Variants in CFAP61 observed in about 807,000 individuals in gnomAD.
CFAP61 encodes cilia and flagella associated protein 61, also known as cilia- and flagella-associated protein 61.
Under a neutral mutation model 135.6 loss-of-function variants are expected in CFAP61, and 107 were observed. The ratio of observed to expected loss-of-function variants is 0.79; its 90% CI spans 0.67 to 0.93. CFAP61 has a LOEUF of 0.93. Ranked by LOEUF, CFAP61 falls within the 40% of genes least tolerant of loss-of-function variation. CFAP61 has a pLI of 0.00. For missense variants in CFAP61, 1,507 were observed against 1,556.2 expected (o/e 0.97, Z 0.53); for synonymous variants, 575 against 578.5 (o/e 0.99, Z 0.09).
intron 13 of CFAP61, among the ~76,000 whole-genome samples, chr20:20,181,968 C>G (rs917670204): frequency 2.2e-4 from 33 of 152,282 alleles, no homozygotes; most frequent in African/African-American, 7.2e-4. Context: ...TGAAAACTTG[C>G]AGAGAGATGA....
chr20:20,316,131 G>A (rs1452824159), intron 25 of CFAP61, among the ~76,000 whole-genome samples: 1 of 151,706 alleles, frequency 6.6e-6, no homozygotes, highest in African/African-American at 2.4e-5. Context: ...ACCTTGGGCA[G>A]TATGGCCATT....
At chr20:20,253,715 C>T in intron 20 of CFAP61, 1 of 357,534 alleles carries the variant, frequency 2.8e-6, no homozygotes, top group South Asian at 2.4e-5. Context: ...CTTTCAGATA[C>T]TGGGTGGCTC....
chr20:20,336,211 T>G (rs1485696172), intron 25 of CFAP61, among the ~76,000 whole-genome samples: 1 of 152,212 alleles, frequency 6.6e-6, no homozygotes, highest in Non-Finnish European at 1.5e-5. Context: ...AGCCACATCT[T>G]ACTAATGATG....
At chr20:20,076,560 G>A (rs1319763289) in intron 6 of CFAP61, among the ~76,000 whole-genome samples, 2 of 152,204 alleles carry the variant, frequency 1.3e-5, no homozygotes, top group African/African-American at 2.4e-5. Context: ...CATGAGCAAT[G>A]TAGAGTGGCT....
chr20:20,123,123 T>A (rs897066813), intron 8 of CFAP61, among the ~76,000 whole-genome samples: 21 of 151,736 alleles, frequency 1.4e-4, no homozygotes, highest in African/African-American at 4.9e-4. Context: ...ATTGTTTGTT[T>A]TTTTTCTTAC....
intron 25 of CFAP61, among the ~76,000 whole-genome samples, chr20:20,319,041 C>A (rs1338438518): frequency 1.3e-5 from 2 of 152,210 alleles, no homozygotes; most frequent in Non-Finnish European, 2.9e-5. Context: ...GAAGACAAAA[C>A]CCTTGTCTCC....
chr20:20,275,911 T>G (rs2053724649), intron 21 of CFAP61, among the ~76,000 whole-genome samples: 1 of 152,172 alleles, frequency 6.6e-6, no homozygotes, highest in South Asian at 2.1e-4. Flanking sequence ...CCAAGGAATG[T>G]TGCATTGTAG....
intron 17 of CFAP61, among the ~76,000 whole-genome samples, chr20:20,212,642 C>T (rs1359648454): frequency 6.6e-6 from 1 of 152,172 alleles, no homozygotes; most frequent in African/African-American, 2.4e-5. Context: ...TGCTTTTCAA[C>T]TGAGAGAGGA....
intron 17 of CFAP61, among the ~76,000 whole-genome samples, chr20:20,225,041 C>T (rs558977446): frequency 1.1e-4 from 16 of 152,286 alleles, no homozygotes; most frequent in African/African-American, 3.1e-4. Flanking sequence ...CTCATAGGAT[C>T]TTGCATGTCT....
chr20:20,137,829 C>T (rs180774423), intron 8 of CFAP61, among the ~76,000 whole-genome samples: 22 of 152,308 alleles, frequency 1.4e-4, no homozygotes, highest in African/African-American at 4.1e-4. Context: ...GGTCTCTTCT[C>T]GTAGCCACTA....
chr20:20,355,223 C>T (rs1030692792), intron 26 of CFAP61, among the ~76,000 whole-genome samples: 3 of 139,558 alleles, frequency 2.1e-5, no homozygotes, highest in African/African-American at 8.3e-5. Context: ...GGGAGGTGAT[C>T]ACACTAAGGG....
intron 6 of CFAP61, among the ~76,000 whole-genome samples, chr20:20,079,259 T>G (rs1025665465): frequency 6.6e-6 from 1 of 152,194 alleles, no homozygotes; most frequent in Non-Finnish European, 1.5e-5. Flanking sequence ...CTCATCCCTT[T>G]GACTCCTCTG....
chr20:20,152,132 G>T (rs897169961), intron 9 of CFAP61, among the ~76,000 whole-genome samples: 1 of 152,094 alleles, frequency 6.6e-6, no homozygotes, highest in African/African-American at 2.4e-5. Context: ...ATAAATGAAG[G>T]AGAGAGAAAG....
chr20:20,296,457 CCTT>C (rs2055620045), intron 24 of CFAP61, among the ~76,000 whole-genome samples: 1 of 144,102 alleles, frequency 6.9e-6, no homozygotes, highest in African/African-American at 2.6e-5. Context: ...CTCCTTCCTG[CCTT>C]CCTTCCTTCC....
chr20:20,221,777 C>A (rs2048420380), intron 17 of CFAP61: 1 of 152,180 alleles, frequency 6.6e-6, no homozygotes, highest in Admixed American at 6.5e-5. Context: ...TACATCCATT[C>A]CTCCAATGAC....
chr20:20,294,212 G>T (rs566992790), intron 24 of CFAP61, among the ~76,000 whole-genome samples: 2 of 152,194 alleles, frequency 1.3e-5, no homozygotes, highest in Non-Finnish European at 2.9e-5. Context: ...GGTGCCCTAC[G>T]GCATCACTTA....
intron 13 of CFAP61, among the ~76,000 whole-genome samples, chr20:20,181,222 T>G (rs965638782): frequency 6.7e-6 from 1 of 149,020 alleles, no homozygotes; most frequent in Non-Finnish European, 1.5e-5. Flanking sequence ...TACATATGTG[T>G]ATATATATAA....
At chr20:20,218,974 A>G (rs1019244847) in intron 17 of CFAP61, among the ~76,000 whole-genome samples, 1 of 152,214 alleles carries the variant, frequency 6.6e-6, no homozygotes, top group Non-Finnish European at 1.5e-5. Context: ...ACTTGTGCTA[A>G]AGTTCCACTT....
rs868029287 is a variant in CFAP61 at position 20,069,986 on chromosome 20, A to C, written c.144-868A>C. The C allele has an allele frequency of 5.8e-5, 16 of 275,530 alleles. No homozygotes were observed. The Middle Eastern group carries it at 5.1e-3, about 88-fold the overall frequency. The allele number at this position is 275,530 out of a possible 1,614,324, so 17.1% of individuals were successfully genotyped here. ...AGATGCCAGTAGATTTCATTTCACT[A>C]AGAAAGTAAAAAATGCATTTAAATT... is the stretch of plus-strand genomic sequence containing the variant. On this transcript the variant is annotated intron_variant, in intron 2 of 26. Transcript: ENST00000245957.
Sources: allele counts gnomAD v4.1 joint callset (sites outside exome capture counted in the v4.1 genomes callset), GRCh38; gene constraint gnomAD v4.1.1; transcripts MANE v1.5; gene names NCBI Gene and HGNC (gene_info 2026-07-23, HGNC 2026-07-21).